CACNA2D3: variants seen among roughly 807,000 people sequenced by gnomAD.
The protein encoded by CACNA2D3 is calcium voltage-gated channel auxiliary subunit alpha2delta 3.
Under a neutral mutation model 160.6 loss-of-function variants are expected in CACNA2D3, and 60 were observed. The ratio of observed to expected loss-of-function variants is 0.37; its 90% confidence interval spans 0.30 to 0.46. CACNA2D3 has a LOEUF of 0.46. Among genes scored for constraint, CACNA2D3 ranks in the 20% least tolerant of loss-of-function variants. The pLI is 1.00. For synonymous variants in CACNA2D3, 558 were observed against 492.9 expected, an observed-to-expected ratio of 1.13 and a Z score of -1.75; for missense variants, 1,205 against 1,365.0, an observed-to-expected ratio of 0.88 and a Z score of 1.85.
intron 24 of CACNA2D3, among the ~76,000 whole-genome samples, chr3:54,891,037 C>G (rs1177823833): frequency 1.3e-5 from 2 of 152,066 alleles, no homozygotes; most frequent in Non-Finnish European, 2.9e-5. Context: ...GAACTTGCAC[C>G]CAGAACCTTG....
chr3:54,874,494 C>T (rs1699614288), intron 18 of CACNA2D3: 3 of 152,110 alleles, frequency 2.0e-5, no homozygotes. Context: ...TATTAACTTC[C>T]AGTCATTCCC....
chr3:54,482,365 T>G (rs2106902246), intron 4 of CACNA2D3, among the ~76,000 whole-genome samples: 1 of 152,350 alleles, frequency 6.6e-6, no homozygotes, highest in East Asian at 1.9e-4. Flanking sequence ...TATTACACTC[T>G]TACAGACGTT....
chr3:54,880,519 C>T (rs1699769708), intron 20 of CACNA2D3, among the ~76,000 whole-genome samples: 2 of 152,136 alleles, frequency 1.3e-5, no homozygotes, highest in Admixed American at 1.3e-4. Flanking sequence ...GAAGGGCTTG[C>T]TGGAAGGGCG....
intron 2 of CACNA2D3, among the ~76,000 whole-genome samples, chr3:54,250,897 G>T (rs1429529494): frequency 2.0e-5 from 3 of 152,150 alleles, no homozygotes; most frequent in African/African-American, 7.2e-5. Flanking sequence ...CAGCAGCTGG[G>T]TAGTGAGTTG....
intron 25 of CACNA2D3, 67 bp downstream of exon 25, chr3:54,891,517 T>G: frequency 8.2e-7 from 1 of 1,220,602 alleles, no homozygotes; most frequent in Non-Finnish European, 1.2e-6. Context: ...AAGGGAAGCT[T>G]ATTTCATTTC....
chr3:54,443,228 G>A (rs1427726090), intron 4 of CACNA2D3, among the ~76,000 whole-genome samples: 1 of 152,112 alleles, frequency 6.6e-6, no homozygotes, highest in African/African-American at 2.4e-5. Context: ...TATGCCAGAA[G>A]CAGCCTCTGG....
intron 4 of CACNA2D3, among the ~76,000 whole-genome samples, chr3:54,464,989 C>G (rs1293421899): frequency 1.3e-5 from 2 of 152,108 alleles, no homozygotes; most frequent in East Asian, 3.9e-4. Context: ...AACATTTGTT[C>G]ACTTTATGGT....
chr3:54,285,293 G>T (rs539208351), intron 2 of CACNA2D3, among the ~76,000 whole-genome samples: 219 of 152,296 alleles, frequency 1.4e-3, no homozygotes, highest in Middle Eastern at 0.01. Flanking sequence ...TTCCTCACCT[G>T]GCTCGGAGGG....
chr3:54,332,172 ATAAAGGGGT>A (rs1189074921), intron 3 of CACNA2D3, among the ~76,000 whole-genome samples: 13 of 152,224 alleles, frequency 8.5e-5, no homozygotes, highest in Non-Finnish European at 1.6e-4. Flanking sequence ...GAACGGGACA[ATAAAGGGGT>A]TATTTTAGCA....
intron 11 of CACNA2D3, among the ~76,000 whole-genome samples, chr3:54,644,086 G>A (rs1037884886): frequency 6.6e-6 from 1 of 152,096 alleles, no homozygotes; most frequent in African/African-American, 2.4e-5. Flanking sequence ...ATTTACCCAA[G>A]AATATTGATA....
At chr3:54,954,388 C>T (rs1219866118) in intron 27 of CACNA2D3, among the ~76,000 whole-genome samples, 2 of 152,222 alleles carry the variant, frequency 1.3e-5, no homozygotes, top group African/African-American at 4.8e-5. Flanking sequence ...GATGCTTTCA[C>T]ATTCTTCCCA....
intron 2 of CACNA2D3, among the ~76,000 whole-genome samples, chr3:54,138,746 G>A (rs1252921336): frequency 6.6e-6 from 1 of 152,198 alleles, no homozygotes; most frequent in African/African-American, 2.4e-5. Context: ...TGGGGAAGTA[G>A]AGCCCAAGAT....
At chr3:54,297,689 G>A (rs1027664400) in intron 2 of CACNA2D3, among the ~76,000 whole-genome samples, 4 of 142,304 alleles carry the variant, frequency 2.8e-5, no homozygotes, top group Non-Finnish European at 6.1e-5. Flanking sequence ...GTGTTTTAAT[G>A]TTGGTTCCCC....
chr3:54,629,000 T>C (rs1413651730), intron 10 of CACNA2D3, among the ~76,000 whole-genome samples: 2 of 152,082 alleles, frequency 1.3e-5, no homozygotes, highest in African/African-American at 4.8e-5. Flanking sequence ...CGTAGAGAAA[T>C]TGCTTAGAAA....
intron 11 of CACNA2D3, among the ~76,000 whole-genome samples, chr3:54,743,042 G>C (rs952603683): frequency 1.3e-5 from 2 of 152,186 alleles, no homozygotes; most frequent in East Asian, 3.9e-4. Flanking sequence ...AAATAGAGTC[G>C]CAATGAAGGA....
intron 5 of CACNA2D3, among the ~76,000 whole-genome samples, chr3:54,520,057 T>C (rs1008245600): frequency 1.3e-5 from 2 of 152,232 alleles, no homozygotes; most frequent in African/African-American, 4.8e-5. Flanking sequence ...GAAACTAAAG[T>C]GGCCAGTGGA....
At chr3:54,466,878 T>C (rs1290587242) in intron 4 of CACNA2D3, among the ~76,000 whole-genome samples, 1 of 152,232 alleles carries the variant, frequency 6.6e-6, no homozygotes, top group East Asian at 1.9e-4. Context: ...CATCATTTTG[T>C]GGTGTTATCT....
At chr3:54,685,718 C>T (rs1317748339) in intron 11 of CACNA2D3, among the ~76,000 whole-genome samples, 1 of 152,202 alleles carries the variant, frequency 6.6e-6, no homozygotes, top group Non-Finnish European at 1.5e-5. Flanking sequence ...TCATGGCTAG[C>T]TATTAGTACA....
intron 25 of CACNA2D3, among the ~76,000 whole-genome samples, chr3:54,893,332 C>T (rs530053302): frequency 1.6e-4 from 25 of 152,014 alleles, no homozygotes; most frequent in Middle Eastern, 3.4e-3. Context: ...CTAAAAATTC[C>T]TACAACTGTG....
Sources: gnomAD v4.1 joint callset for allele counts (sites outside exome capture counted in the v4.1 genomes callset) on GRCh38, gnomAD v4.1.1 for gene constraint, MANE v1.5 for transcripts, NCBI Gene and HGNC (gene_info 2026-07-23, HGNC 2026-07-21) for gene names.